Variants in DMD observed in about 807,000 individuals in gnomAD.
DMD encodes mutant dystrophin.
A neutral mutation model predicts 330.1 loss-of-function variants in DMD; 63 were observed. The observed-to-expected ratio is 0.19, with a 90% CI of 0.16 to 0.24. The LOEUF (loss-of-function observed/expected upper bound fraction) is 0.24. Among genes scored for constraint, DMD ranks in the 10% least tolerant of loss-of-function variants. The probability of loss-of-function intolerance (pLI) is 1.00; values close to 1 mark genes in which losing one functional copy is unlikely to be tolerated. For missense variants in DMD, 3,344 were observed against 2,684.1 expected (o/e 1.25, Z -5.43); for synonymous variants, 1,223 against 959.8 (o/e 1.27, Z -5.07).
At chrX:31,861,993 G>C (rs1556950699) in intron 48 of DMD, among the ~76,000 whole-genome samples, 1 of 106,693 alleles carries the variant, frequency 9.4e-6, no homozygotes, top group African/African-American at 3.5e-5. Context: ...CCTATTCTTG[G>C]AAGGCTACCC....
chrX:33,241,315 C>T (rs769287402), intron 1 of DMD, among the ~76,000 whole-genome samples: 2 of 112,014 alleles, frequency 1.8e-5, no homozygotes, highest in East Asian at 5.6e-4. Flanking sequence ...GAAGATTGTT[C>T]TTTTCGCATT....
chrX:31,978,962 G>A (rs56826361), intron 44 of DMD, among the ~76,000 whole-genome samples: 8 of 111,405 alleles, frequency 7.2e-5, no homozygotes, highest in African/African-American at 2.0e-4. Context: ...CTATAAATTG[G>A]GAATACATTT....
chrX:33,077,008 G>A (rs936469309), intron 1 of DMD, among the ~76,000 whole-genome samples: 14 of 110,678 alleles, frequency 1.3e-4, no homozygotes, highest in South Asian at 8.0e-4. Context: ...GTCTTCTTGC[G>A]CTGAGTCAGT....
At chrX:33,051,094 C>T (rs2094450157) in intron 1 of DMD, among the ~76,000 whole-genome samples, 1 of 111,931 alleles carries the variant, frequency 8.9e-6, no homozygotes, top group Non-Finnish European at 1.9e-5. Context: ...GTAACGTACC[C>T]TTTAAATATT....
At position 32,973,559 on chromosome X, in the gene DMD, G is replaced by A. The variant is rs147151222; in HGVS notation, c.93+46580C>T. ...GAGTATCGTAAAGCCACCATGCTAG[G>A]AAGAAGCCAAACAACATAGCAAGTT... On this transcript the variant is annotated intron_variant, in intron 2 of 78. Coordinates refer to ENST00000357033, the MANE Select transcript of DMD (RefSeq NM_004006.3). Among the ~76,000 whole-genome samples, 640 of 111,817 alleles carry A rather than the reference G, an allele frequency of 5.7e-3. 5 individuals carry two copies. Among genetic ancestry groups the A allele is most frequent in the East Asian group, 0.054 (190 of 3,524 alleles).
At chrX:33,087,435 T>C (rs1001419811) in intron 1 of DMD, among the ~76,000 whole-genome samples, 3 of 112,139 alleles carry the variant, frequency 2.7e-5, no homozygotes, top group African/African-American at 9.7e-5. Flanking sequence ...TTCTGGCTAC[T>C]GTTTGAGAGG....
chrX:31,379,519 T>A (rs2060051744), intron 60 of DMD, among the ~76,000 whole-genome samples: 1 of 111,624 alleles, frequency 9.0e-6, no homozygotes, highest in African/African-American at 3.3e-5. Context: ...ATATATTTTA[T>A]TACCCAATCT....
chrX:31,588,438 A>T (rs1157900371), intron 55 of DMD, among the ~76,000 whole-genome samples: 1 of 111,705 alleles, frequency 9.0e-6, no homozygotes, highest in Non-Finnish European at 1.9e-5. Flanking sequence ...AGACAACCAG[A>T]GACCACTTTT....
At chrX:32,865,337 G>T (rs2082397249) in intron 2 of DMD, among the ~76,000 whole-genome samples, 1 of 111,571 alleles carries the variant, frequency 9.0e-6, no homozygotes, top group Non-Finnish European at 1.9e-5. Context: ...TTTGTCGTAA[G>T]TATGGTGCTG....
intron 63 of DMD, among the ~76,000 whole-genome samples, chrX:31,238,592 T>C (rs1234634759): frequency 8.9e-6 from 1 of 111,964 alleles, no homozygotes; most frequent in East Asian, 2.8e-4. Context: ...TTATCAGCTT[T>C]GTTAAAGATA....
chrX:33,140,861 G>A (rs781669512), intron 1 of DMD, among the ~76,000 whole-genome samples: 1 of 111,586 alleles, frequency 9.0e-6, no homozygotes, highest in Admixed American at 9.6e-5. Flanking sequence ...AAAACTAGCC[G>A]TGGCATACAG....
chrX:32,132,993 C>CTTTTCTTTTTTTTTTTTTTTTTTTT (rs2096705124), intron 44 of DMD, among the ~76,000 whole-genome samples: 4 of 75,969 alleles, frequency 5.3e-5, no homozygotes, highest in African/African-American at 2.1e-4. Context: ...CTTTTCTTTT[C>CTTTTCTTTTTTTTTTTTTTTTTTTT]TTTTTTTTTT....
At chrX:31,617,031 T>C (rs963466973) in intron 55 of DMD, among the ~76,000 whole-genome samples, 2 of 112,000 alleles carry the variant, frequency 1.8e-5, no homozygotes, top group African/African-American at 6.5e-5. Context: ...TTATGTCATT[T>C]GTGAGACATT....
intron 2 of DMD, among the ~76,000 whole-genome samples, chrX:33,005,109 G>A (rs1262962589): frequency 1.8e-5 from 2 of 110,270 alleles, no homozygotes; most frequent in East Asian, 2.8e-4. Context: ...GTTTTGCCTC[G>A]AATTGGTTTA....
chrX:31,553,570 C>G (rs1221977540), intron 55 of DMD, among the ~76,000 whole-genome samples: 3 of 112,187 alleles, frequency 2.7e-5, no homozygotes, highest in Non-Finnish European at 1.9e-5. Context: ...CATTTTAAGT[C>G]CTTGTTTGTT....
intron 60 of DMD, among the ~76,000 whole-genome samples, chrX:31,398,249 T>C (rs981169454): frequency 8.0e-5 from 9 of 112,056 alleles, no homozygotes; most frequent in Non-Finnish European, 1.7e-4. Flanking sequence ...AATTTAAATC[T>C]AGAGCCTCTG....
intron 60 of DMD, among the ~76,000 whole-genome samples, chrX:31,439,390 G>C (rs760195537): frequency 8.9e-6 from 1 of 111,853 alleles, no homozygotes; most frequent in South Asian, 3.7e-4. Context: ...ATGAAAGAAG[G>C]AATGAAGTTT....
rs751924033 is a variant in DMD, at chrX:32,199,132, C to T, written c.6438+17784G>A. On this transcript the variant is annotated intron_variant, in intron 44 of 78. Transcript: ENST00000357033. ...AGTCAGGTTCATTACACTGCATTCT[C>T]ACACTATAAATGAAAGAGTAGCAAG... 2.7e-5 allele frequency among the ~76,000 whole-genome samples: 3 copies of T among 112,208 alleles called. No homozygotes were observed. The South Asian group carries it at 1.1e-3, about 42-fold the overall frequency.
At chrX:32,002,865 A>G (rs965150745) in intron 44 of DMD, among the ~76,000 whole-genome samples, 1 of 111,513 alleles carries the variant, frequency 9.0e-6, no homozygotes, top group African/African-American at 3.3e-5. Flanking sequence ...AGCTTTCTCC[A>G]TATATATGGT....
Sources: gnomAD v4.1 joint callset for allele counts (sites outside exome capture counted in the v4.1 genomes callset) on GRCh38, gnomAD v4.1.1 for gene constraint, MANE v1.5 for transcripts, NCBI Gene and HGNC (gene_info 2026-07-23, HGNC 2026-07-21) for gene names.